The following TRAPPC9 variants were observed in gnomAD, a reference collection of about 807,000 sequenced individuals.
TRAPPC9 encodes the protein trafficking protein particle complex subunit 9.
A neutral mutation model predicts 124.0 loss-of-function variants in TRAPPC9; 83 were observed. The observed-to-expected ratio is 0.67, with a 90% CI of 0.56 to 0.80. The LOEUF (loss-of-function observed/expected upper bound fraction) is 0.80, where lower values mean the gene tolerates loss of function less well. TRAPPC9 is among the 30% of genes least tolerant of loss of function. The pLI, the probability that TRAPPC9 is intolerant of heterozygous loss-of-function variation, is 0.00. For missense variants in TRAPPC9, 1,302 were observed against 1,508.3 expected (o/e 0.86, Z 2.27); for synonymous variants, 638 against 617.5 (o/e 1.03, Z -0.49).
At chr8:139,796,606 A>G (rs1241866253) in intron 21 of TRAPPC9, among the ~76,000 whole-genome samples, 3 of 152,254 alleles carry the variant, frequency 2.0e-5, no homozygotes, top group Non-Finnish European at 4.4e-5. Context: ...TCAGAGCTGA[A>G]TAATATTCCA....
At chr8:139,850,948 C>CT (rs1827403762) in intron 21 of TRAPPC9, among the ~76,000 whole-genome samples, 1 of 152,188 alleles carries the variant, frequency 6.6e-6, no homozygotes. Context: ...CAAAAGAACT[C>CT]TGTCTAAAAG....
At chr8:140,134,189 TA>T (rs908598640) in intron 17 of TRAPPC9, among the ~76,000 whole-genome samples, 3 of 152,154 alleles carry the variant, frequency 2.0e-5, no homozygotes, top group African/African-American at 7.2e-5. Flanking sequence ...TCTGACATAA[TA>T]ATAGACACAC....
chr8:140,049,623 T>C (rs1159316593), intron 17 of TRAPPC9, among the ~76,000 whole-genome samples: 1 of 151,084 alleles, frequency 6.6e-6, no homozygotes, highest in East Asian at 2.0e-4. Context: ...TCCCATTTGC[T>C]CGTCGGTCTT....
At chr8:140,310,154 G>A (rs2066256276) in intron 10 of TRAPPC9, among the ~76,000 whole-genome samples, 1 of 152,134 alleles carries the variant, frequency 6.6e-6, no homozygotes, top group Non-Finnish European at 1.5e-5. Context: ...GCTTTTACAT[G>A]TTACTTCATT....
intron 17 of TRAPPC9, among the ~76,000 whole-genome samples, chr8:140,170,321 T>A (rs1226344415): frequency 1.3e-5 from 2 of 152,200 alleles, no homozygotes; most frequent in Non-Finnish European, 2.9e-5. Flanking sequence ...GACAGTATCA[T>A]GTCTGTTCTC....
chr8:140,315,781 A>G (rs62529378), intron 9 of TRAPPC9, among the ~76,000 whole-genome samples: 13,688 of 152,262 alleles, frequency 0.09, 693 homozygotes, highest in African/African-American at 0.13. Context: ...CTTATTTGGT[A>G]TAAAAATTAC....
intron 11 of TRAPPC9, among the ~76,000 whole-genome samples, chr8:140,294,720 G>C (rs112374378): frequency 0.033 from 4,989 of 151,566 alleles, 271 homozygotes; most frequent in African/African-American, 0.11. Flanking sequence ...CGAGTCTCCT[G>C]CCTCAGCCTC....
intron 21 of TRAPPC9, among the ~76,000 whole-genome samples, chr8:139,773,013 C>T (rs1338358751): frequency 1.3e-5 from 2 of 152,234 alleles, no homozygotes; most frequent in Non-Finnish European, 2.9e-5. Context: ...TCACTGTGTT[C>T]CTTTCCAGCC....
chr8:139,922,155 T>C (rs1014362473), intron 19 of TRAPPC9, among the ~76,000 whole-genome samples: 10 of 151,622 alleles, frequency 6.6e-5, no homozygotes, highest in Non-Finnish European at 1.0e-4. Flanking sequence ...TTCATTTCCT[T>C]CCAAGGTTGA....
At chr8:140,146,114 T>C (rs1288636064) in intron 17 of TRAPPC9, among the ~76,000 whole-genome samples, 2 of 152,252 alleles carry the variant, frequency 1.3e-5, no homozygotes, top group Non-Finnish European at 2.9e-5. Flanking sequence ...CAAACTGATA[T>C]ATGTTCAATA....
At chr8:140,264,068 T>A (rs2064528512) in intron 15 of TRAPPC9, among the ~76,000 whole-genome samples, 1 of 152,194 alleles carries the variant, frequency 6.6e-6, no homozygotes, top group Non-Finnish European at 1.5e-5. Flanking sequence ...TGCCCTGCCT[T>A]GCCGTGATTA....
chr8:140,299,845 T>C (rs1240377452), intron 11 of TRAPPC9, among the ~76,000 whole-genome samples: 1 of 152,202 alleles, frequency 6.6e-6, no homozygotes, highest in Non-Finnish European at 1.5e-5. Context: ...ACAACACAGC[T>C]TAACCCAGGA....
At chr8:140,248,008 T>C (rs2064028929) in intron 16 of TRAPPC9, among the ~76,000 whole-genome samples, 1 of 152,252 alleles carries the variant, frequency 6.6e-6, no homozygotes, top group African/African-American at 2.4e-5. Context: ...CGTTCTTCTA[T>C]GTTATCTCGC....
chr8:140,242,956 G>A (rs1414335899), intron 16 of TRAPPC9, among the ~76,000 whole-genome samples: 1 of 152,150 alleles, frequency 6.6e-6, no homozygotes, highest in Admixed American at 6.5e-5. Context: ...AAGTGAAGGG[G>A]AAAGAGTAAG....
intron 15 of TRAPPC9, among the ~76,000 whole-genome samples, chr8:140,265,181 G>A (rs151315400): frequency 1.3e-5 from 2 of 150,544 alleles, no homozygotes; most frequent in South Asian, 2.1e-4. Flanking sequence ...CAAGAGATTC[G>A]ACGCTGCCAC....
intron 21 of TRAPPC9, among the ~76,000 whole-genome samples, chr8:139,850,023 C>T (rs773787964): frequency 6.6e-6 from 1 of 152,158 alleles, no homozygotes. Context: ...TCTCGGTTCC[C>T]GCATCAGCTC....
intron 17 of TRAPPC9, among the ~76,000 whole-genome samples, chr8:140,033,217 T>C (rs1190126823): frequency 6.6e-6 from 1 of 152,206 alleles, no homozygotes; most frequent in African/African-American, 2.4e-5. Flanking sequence ...ACTACTGCAC[T>C]GGCCAGGACT....
At chr8:140,438,101 G>A (rs939184393) in intron 3 of TRAPPC9, among the ~76,000 whole-genome samples, 2 of 152,098 alleles carry the variant, frequency 1.3e-5, no homozygotes, top group African/African-American at 2.4e-5. Context: ...ACCACTAACT[G>A]ACTCTGGAAC....
intron 5 of TRAPPC9, among the ~76,000 whole-genome samples, chr8:140,412,161 C>A (rs2069728163): frequency 6.6e-6 from 1 of 152,200 alleles, no homozygotes; most frequent in Non-Finnish European, 1.5e-5. Flanking sequence ...AGTAATGGGA[C>A]AAATGAACCT....
Sources: allele counts gnomAD v4.1 joint callset (sites outside exome capture counted in the v4.1 genomes callset), GRCh38; gene constraint gnomAD v4.1.1; transcripts MANE v1.5; gene names NCBI Gene and HGNC (gene_info 2026-07-23, HGNC 2026-07-21).